CWC25: variants seen among roughly 807,000 people sequenced by gnomAD.
The protein encoded by CWC25 is CWC25 spliceosome associated protein.
In CWC25, 31 loss-of-function variants were observed where a neutral mutation model predicts 54.6. The observed-to-expected ratio is 0.57, with a 90% CI of 0.43 to 0.77. The LOEUF is 0.77. Ranked by LOEUF, CWC25 falls within the 30% of genes least tolerant of loss-of-function variation. The pLI is 0.00. For missense variants in CWC25, 453 were observed against 529.3 expected (o/e 0.86, Z 1.41); for synonymous variants, 151 against 187.0 (o/e 0.81, Z 1.57).
chr17:38,821,310 C>A (rs1185314401), intron 1 of CWC25, among the ~76,000 whole-genome samples: 2 of 152,140 alleles, frequency 1.3e-5, no homozygotes, highest in Non-Finnish European at 2.9e-5. Flanking sequence ...CCTGTAATCC[C>A]AGCACTTTGG....
intron 2 of CWC25, among the ~76,000 whole-genome samples, chr17:38,820,503 G>A (rs139629647): frequency 2.0e-5 from 3 of 152,014 alleles, no homozygotes; most frequent in African/African-American, 4.8e-5. Flanking sequence ...TGTCCCCGCC[G>A]ACCCAAGCAA....
chr17:38,814,662 C>T (rs1344805844), intron 3 of CWC25, among the ~76,000 whole-genome samples, 199 bp downstream of exon 3: 2 of 141,106 alleles, frequency 1.4e-5, no homozygotes, highest in Non-Finnish European at 3.0e-5. Flanking sequence ...AGGAGGATGG[C>T]GTGAACCCGG....
At chr17:38,803,512 C>T (rs963002416) in intron 8 of CWC25, among the ~76,000 whole-genome samples, 1 of 152,042 alleles carries the variant, frequency 6.6e-6, no homozygotes. Flanking sequence ...TGCCTGTAAT[C>T]CCAGCTACTT....
In CWC25 at chr17:38,808,445, C is replaced by T. The variant is rs1392637854; in HGVS notation, c.690+1257G>A. Among the ~76,000 whole-genome samples, 4 of 139,408 alleles carry T rather than the reference C, an allele frequency of 2.9e-5. 2 individuals carry two copies. Among genetic ancestry groups the T allele is most frequent in the Admixed American group, 1.5e-4 (2 of 12,962 alleles). 91.5% of individuals were successfully genotyped at this position (139,408 alleles called of 152,430 possible). On this transcript the variant is annotated intron_variant, in intron 6 of 9. Coordinates refer to ENST00000614790, the MANE Select transcript of CWC25 (RefSeq NM_017748.5). ...CTCTTCACTATAGGTTAAGGAAGAG[C>T]GAGATGCAGAAGCATGGAGGACAGG...
At chr17:38,822,067 C>A (rs1911949264) in intron 1 of CWC25, among the ~76,000 whole-genome samples, 1 of 151,790 alleles carries the variant, frequency 6.6e-6, no homozygotes, top group Non-Finnish European at 1.5e-5. Context: ...CGTGCCCAGC[C>A]TTTTTTGTTT....
At position 38,806,722 on chromosome 17, in the gene CWC25, C is replaced by T. The variant is rs754124232; in HGVS notation, c.902+43G>A. 17 of 1,483,236 alleles carry T rather than the reference C, an allele frequency of 1.1e-5. 1 individual carries two copies. In the South Asian group the frequency reaches 2.3e-4, roughly 20 times the overall value. 91.9% of individuals were successfully genotyped at this position (1,483,236 alleles called of 1,614,324 possible). Reference sequence around the variant, plus strand: ...AAAACAAATGCCTGCTGGGACCAGGCCCCCACAGTCACAGGTTATTTCCCA... The same window carrying T: ...AAAACAAATGCCTGCTGGGACCAGGTCCCCACAGTCACAGGTTATTTCCCA... On this transcript the variant is annotated intron_variant, in intron 7 of 9. Coordinates refer to ENST00000614790, the MANE Select transcript of CWC25 (RefSeq NM_017748.5).
At position 38,802,765 on chromosome 17, in the gene CWC25, A is replaced by G. The variant is rs185949040; in HGVS notation, c.1098T>C (p.His366=). Residue 366 remains histidine (H), a synonymous_variant, in exon 9 of 10, where the codon CAT becomes CAC. Coordinates refer to ENST00000614790, the MANE Select transcript of CWC25 (RefSeq NM_017748.5). ...TCTGCTCCCGTTCCTCATCCTTAGC[A>G]TGCCTCTTGAGGATGTTCAGTCTCT... ...EEERLNILKR[H]AKDEEREQRL... 4.4e-4 allele frequency: 704 copies of G among 1,613,944 alleles called. 5 individuals are homozygous for G. In the East Asian group the frequency reaches 0.01, roughly 23 times the overall value.
chr17:38,813,884 C>T (rs1161506865), intron 3 of CWC25, among the ~76,000 whole-genome samples: 2 of 151,020 alleles, frequency 1.3e-5, no homozygotes, highest in Non-Finnish European at 2.9e-5. Context: ...TTTTTCGAGA[C>T]GGAGTCTCGC....
rs191025883 is a variant in CWC25, at chr17:38,806,768, T to G, written c.899A>C (p.Lys300Thr). 3.2e-6 allele frequency: 5 copies of G among 1,578,112 alleles called. No homozygotes were observed. In the African/African-American group the frequency reaches 6.8e-5, roughly 21 times the overall value. Reference protein sequence around the residue: ...GRRSRSPRPSKLHNSKVNRRE... With the variant: ...GRRSRSPRPSTLHNSKVNRRE... Reference sequence around the variant, plus strand: ...TCCCAGTGAATCCCACACTCACAGTTTGCTGGGTCTTGGGGACCGTGACCT... The same window carrying G: ...TCCCAGTGAATCCCACACTCACAGTGTGCTGGGTCTTGGGGACCGTGACCT... Residue 300 changes from lysine (K) to threonine (T), a missense_variant, in exon 7 of 10, where the codon AAA becomes ACA. By Grantham distance (78) the Lys-to-Thr change is moderately conservative (BLOSUM62 -1). Coordinates refer to ENST00000614790, the MANE Select transcript of CWC25 (RefSeq NM_017748.5).
chr17:38,817,832 G>A (rs1040369610), intron 2 of CWC25, among the ~76,000 whole-genome samples: 2 of 151,000 alleles, frequency 1.3e-5, no homozygotes, highest in Non-Finnish European at 3.0e-5. Context: ...CAGGCGTGGT[G>A]GCACACGCCT....
chr17:38,814,749 A>C, intron 3 of CWC25, 112 bp downstream of exon 3: 1 of 682,024 alleles, frequency 1.5e-6, no homozygotes, highest in Non-Finnish European at 2.2e-6. Flanking sequence ...CCGTCTCAAA[A>C]AAAAAAAAAA....
chr17:38,809,156 G>A (rs536495921), intron 6 of CWC25, among the ~76,000 whole-genome samples: 12 of 151,610 alleles, frequency 7.9e-5, no homozygotes, highest in East Asian at 1.9e-4. Flanking sequence ...GGCCAGGCAC[G>A]GTGGCTCACA....
Position 38,808,055 on chromosome 17 carries a change from CA to C in CWC25, c.691-1080del, listed in dbSNP as rs61226105. 3.2e-3 allele frequency among the ~76,000 whole-genome samples: 166 copies of C among 52,662 alleles called. 5 individuals are homozygous for C. The highest frequency in any genetic ancestry group is 0.032 in the Middle Eastern group (2 of 62). 34.5% of individuals were successfully genotyped at this position (52,662 alleles called of 152,430 possible). Reference sequence around the variant, plus strand: ...TAGGCGACAGAGTGAGACTCCATCTCAAAAAAAAAAAAAAAAAGAAAAGAAA... The same window carrying C: ...TAGGCGACAGAGTGAGACTCCATCTCAAAAAAAAAAAAAAAAGAAAAGAAA... On this transcript the variant is annotated intron_variant, in intron 6 of 9. Coordinates refer to ENST00000614790, the MANE Select transcript of CWC25 (RefSeq NM_017748.5).
chr17:38,809,867 T>A, intron 5 of CWC25, 102 bp from the exon 6 acceptor site: 1 of 1,062,248 alleles, frequency 9.4e-7, no homozygotes, highest in Non-Finnish European at 1.4e-6. Flanking sequence ...AATGTGACCT[T>A]TCCGCCTCCC....
intron 8 of CWC25, among the ~76,000 whole-genome samples, chr17:38,804,376 T>C (rs1167667555): frequency 1.3e-5 from 2 of 151,782 alleles, no homozygotes; most frequent in East Asian, 3.9e-4. Flanking sequence ...AGTAAGAAAA[T>C]ATCTAAGATC....
At chr17:38,821,782 T>C (rs940727316) in intron 1 of CWC25, among the ~76,000 whole-genome samples, 166 of 65,452 alleles carry the variant, frequency 2.5e-3, no homozygotes, top group African/African-American at 0.025. Context: ...ACATTCATTC[T>C]TTTTTTTTTT....
At chr17:38,821,104 T>C (rs770101291) in intron 1 of CWC25, 31 bp from the exon 2 acceptor site, 16 of 1,598,440 alleles carry the variant, frequency 1.0e-5, no homozygotes, top group Non-Finnish European at 1.4e-5. Context: ...GTGATGATAA[T>C]TCGGGGGGTG....
Position 38,814,953 on chromosome 17 carries a change from T to C in CWC25, c.336A>G (p.Gly112=). 6.2e-7 allele frequency: 1 copy of C among 1,613,588 alleles called. No individual in the cohort carries two copies. Residue 112 remains glycine (G), a synonymous_variant, in exon 3 of 10, where the codon GGA becomes GGG. Coordinates refer to ENST00000614790, the MANE Select transcript of CWC25 (RefSeq NM_017748.5). ...EKEAGCSSET[G]LLPGSIFAPS... ...GGGCAAAGATAGAGCCTGGGAGAAG[T>C]CCTGTTTCAGAAGAGCAGCCTGCCT...
In CWC25 at chr17:38,823,287, G is replaced by A. The variant is rs1912005492; in HGVS notation, c.18+1879C>T. Among the ~76,000 whole-genome samples the A allele has an allele frequency of 4.0e-5, 6 of 150,322 alleles. No homozygotes were observed. In the South Asian group the frequency reaches 1.3e-3, roughly 31 times the overall value. ...CGATTCTCCTGCCTCAGCCTCCCAA[G>A]TAGCTGGGATTACAGGCGCCCGCCA... is the stretch of plus-strand genomic sequence containing the variant. On this transcript the variant is annotated intron_variant, in intron 1 of 9. Transcript: ENST00000614790.
Sources: gnomAD v4.1 joint callset for allele counts (sites outside exome capture counted in the v4.1 genomes callset) on GRCh38, gnomAD v4.1.1 for gene constraint, MANE v1.5 for transcripts, NCBI Gene and HGNC (gene_info 2026-07-23, HGNC 2026-07-21) for gene names.